Variants in PCDH15 observed in about 807,000 individuals in gnomAD.
The protein encoded by PCDH15 is protocadherin related 15.
Under a neutral mutation model 178.5 loss-of-function variants are expected in PCDH15, and 129 were observed. The ratio of observed to expected loss-of-function variants is 0.72; its 90% CI spans 0.63 to 0.84. The LOEUF (loss-of-function observed/expected upper bound fraction) is 0.84, where lower values mean the gene tolerates loss of function less well. PCDH15 is among the 40% of genes least tolerant of loss of function. The pLI, the probability that PCDH15 is intolerant of heterozygous loss-of-function variation, is 0.00. For synonymous variants in PCDH15, 800 were observed against 732.0 expected (o/e 1.09, Z -1.50); for missense variants, 2,230 against 2,099.9 (o/e 1.06, Z -1.21).
In PCDH15 at chr10:55,067,877, T is replaced by A. The variant is rs564026030; in HGVS notation, c.-80+98699A>T. On this transcript the variant is annotated intron_variant, in intron 2 of 5. Transcript: ENST00000458638. ...CATTTTTTCATAAGCCTGTTGGCCA[T>A]TTGTATGTCTTTTTTTGAGAAATGT... Among the ~76,000 whole-genome samples the A allele has an allele frequency of 2.6e-5, 4 of 152,184 alleles. No homozygotes were observed. The South Asian group carries it at 8.3e-4, about 32-fold the overall frequency.
chr10:55,180,704 C>T (rs568643317), intron 1 of PCDH15, among the ~76,000 whole-genome samples: 2 of 152,138 alleles, frequency 1.3e-5, no homozygotes, highest in African/African-American at 2.4e-5. Flanking sequence ...CATATTTATA[C>T]ATTTGCCTTC....
chr10:55,420,450 T>C (rs960932853), intron 2 of PCDH15, among the ~76,000 whole-genome samples: 8 of 141,886 alleles, frequency 5.6e-5, no homozygotes, highest in African/African-American at 1.7e-4. Context: ...ACAGGATCAG[T>C]AGGTATTGCA....
At chr10:54,834,559 CAG>C (rs756311930) in intron 3 of PCDH15, among the ~76,000 whole-genome samples, 25 of 149,882 alleles carry the variant, frequency 1.7e-4, no homozygotes, top group Non-Finnish European at 3.1e-4. Flanking sequence ...GTGAAAAAAA[CAG>C]AATAAGAAAG....
At chr10:54,724,204 C>T (rs920907554) in intron 1 of PCDH15, among the ~76,000 whole-genome samples, 4 of 151,560 alleles carry the variant, frequency 2.6e-5, no homozygotes, top group Non-Finnish European at 5.9e-5. Context: ...AACTGTGCAG[C>T]CATTAAAAAG....
intron 17 of PCDH15, among the ~76,000 whole-genome samples, chr10:54,075,149 A>G (rs1192142294): frequency 3.3e-5 from 5 of 152,020 alleles, no homozygotes; most frequent in Non-Finnish European, 5.9e-5. Flanking sequence ...AGGCTGAGGC[A>G]GGCAGATCAC....
At chr10:55,545,495 C>A (rs943257702) in intron 2 of PCDH15, among the ~76,000 whole-genome samples, 1 of 151,528 alleles carries the variant, frequency 6.6e-6, no homozygotes, top group African/African-American at 2.4e-5. Flanking sequence ...AGACTGGTTT[C>A]AAACTCCTGA....
chr10:54,462,520 T>TC, intron 3 of PCDH15, among the ~76,000 whole-genome samples: 1 of 126,130 alleles, frequency 7.9e-6, no homozygotes. Flanking sequence ...TTCTTTTTTT[T>TC]TTTTTTTTTT....
At chr10:55,140,971 C>T (rs186208242) in intron 2 of PCDH15, among the ~76,000 whole-genome samples, 2 of 151,978 alleles carry the variant, frequency 1.3e-5, no homozygotes, top group East Asian at 3.9e-4. Flanking sequence ...AATTTGTGTC[C>T]TTTCCTTTCT....
chr10:55,442,482 T>TATATATATATATATTATATATATATA (rs1565144529), intron 2 of PCDH15, among the ~76,000 whole-genome samples: 10 of 54,920 alleles, frequency 1.8e-4, no homozygotes, highest in African/African-American at 5.5e-4. Flanking sequence ...ATATATATAT[T>TATATATATATATATTATATATATATA]ATATATATAT....
intron 1 of PCDH15, among the ~76,000 whole-genome samples, chr10:55,178,376 C>T (rs1274941292): frequency 6.6e-6 from 1 of 152,082 alleles, no homozygotes; most frequent in Non-Finnish European, 1.5e-5. Context: ...AATGGGCCAC[C>T]TCTTGGGAAT....
At chr10:54,862,926 T>G (rs11004607) in intron 3 of PCDH15, among the ~76,000 whole-genome samples, 79,848 of 151,896 alleles carry the variant, frequency 0.53, 21,428 homozygotes, top group East Asian at 0.85. Flanking sequence ...AACACAAAAT[T>G]AACAGAGACA....
At chr10:55,296,311 C>T (rs1373169333) in intron 1 of PCDH15, among the ~76,000 whole-genome samples, 1 of 152,142 alleles carries the variant, frequency 6.6e-6, no homozygotes, top group Admixed American at 6.6e-5. Context: ...TAGCCCCTCT[C>T]CTTCCCTGGA....
intron 18 of PCDH15, among the ~76,000 whole-genome samples, chr10:54,060,208 C>T (rs191660027): frequency 6.6e-5 from 10 of 152,178 alleles, no homozygotes; most frequent in East Asian, 1.9e-4. Context: ...AAAGGATAAA[C>T]GCTGTTTATA....
intron 8 of PCDH15, among the ~76,000 whole-genome samples, chr10:54,264,424 A>G (rs2384432): frequency 0.7 from 106,935 of 152,008 alleles, 38,528 homozygotes; most frequent in Middle Eastern, 0.77. Context: ...CCAGATGTAA[A>G]TGTCTGAAAT....
chr10:54,756,722 G>GAA (rs900470881), intron 1 of PCDH15, among the ~76,000 whole-genome samples: 2 of 38,590 alleles, frequency 5.2e-5, no homozygotes, highest in African/African-American at 1.7e-4. Context: ...GTATGTGAAA[G>GAA]AGAGAGAGAG....
At chr10:54,687,912 G>A (rs922837742) in intron 1 of PCDH15, among the ~76,000 whole-genome samples, 1 of 151,900 alleles carries the variant, frequency 6.6e-6, no homozygotes, top group Non-Finnish European at 1.5e-5. Context: ...ATGTTGTATG[G>A]CAGAAAGTTT....
chr10:55,552,765 C>T (rs1030036269), intron 2 of PCDH15, among the ~76,000 whole-genome samples: 3 of 151,206 alleles, frequency 2.0e-5, no homozygotes, highest in East Asian at 3.9e-4. Flanking sequence ...AACATAATGG[C>T]TTTTATTATA....
intron 2 of PCDH15, among the ~76,000 whole-genome samples, chr10:55,584,606 C>T (rs1178066774): frequency 2.1e-5 from 3 of 139,754 alleles, no homozygotes; most frequent in Non-Finnish European, 3.0e-5. Context: ...CACAATGAGC[C>T]GAGATCACAC....
At chr10:54,424,539 G>A (rs1407594014) in intron 3 of PCDH15, among the ~76,000 whole-genome samples, 1 of 150,110 alleles carries the variant, frequency 6.7e-6, no homozygotes, top group African/African-American at 2.5e-5. Context: ...AAAACATGCT[G>A]CTATAAAGAC....
Sources: allele counts gnomAD v4.1 joint callset (sites outside exome capture counted in the v4.1 genomes callset), GRCh38; gene constraint gnomAD v4.1.1; transcripts MANE v1.5; gene names NCBI Gene and HGNC (gene_info 2026-07-23, HGNC 2026-07-21).